The following FATE1 variants were observed in gnomAD, a reference collection of about 807,000 sequenced individuals.
FATE1 encodes fetal and adult testis-expressed transcript protein.
A neutral mutation model predicts 16.0 loss-of-function variants in FATE1; 18 were observed. That is an observed-to-expected ratio of 1.12 (90% CI 0.78 to 1.66). The LOEUF (loss-of-function observed/expected upper bound fraction) is 1.66. Among genes scored for constraint, FATE1 ranks in the 40% most tolerant of loss-of-function variants. The probability of loss-of-function intolerance (pLI) is 0.00; values close to 1 mark genes in which losing one functional copy is unlikely to be tolerated. For missense variants in FATE1, 169 were observed against 152.7 expected (o/e 1.11, Z -0.56); for synonymous variants, 76 against 56.9 (o/e 1.34, Z -1.51).
intron 2 of FATE1, among the ~76,000 whole-genome samples, chrX:151,720,763 T>G (rs1237788621): frequency 8.9e-6 from 1 of 112,117 alleles, no homozygotes; most frequent in Non-Finnish European, 1.9e-5. Context: ...AACTATGATT[T>G]GAGCCCAGGC....
intron 2 of FATE1, among the ~76,000 whole-genome samples, chrX:151,718,108 GAGAGGA>G (rs1569424911): frequency 4.2e-4 from 32 of 76,515 alleles, no homozygotes; most frequent in Non-Finnish European, 6.6e-4. Context: ...GAAAGAGAGA[GAGAGGA>G]AGGAAGGAAG....
intron 2 of FATE1, among the ~76,000 whole-genome samples, chrX:151,720,254 G>A (rs374822792): frequency 2.2e-3 from 246 of 111,343 alleles, no homozygotes; most frequent in Non-Finnish European, 3.5e-3. Flanking sequence ...GCTGGCGGGG[G>A]CCTCCTTTGT....
chrX:151,718,110 G>GAGGAAGGAAGGA lies in FATE1; in HGVS notation c.234+763_234+774dup, dbSNP rs199990618. On this transcript the variant is annotated intron_variant, in intron 2 of 4. Transcript: ENST00000370350. ...AGAAAGAAAGAAAGAAAGAGAGAGAGAGGAAGGAAGGAAGGAAGGAAGGAA... is the reference window on the plus strand; with the variant it reads ...AGAAAGAAAGAAAGAAAGAGAGAGAGAGGAAGGAAGGAAGGAAGGAAGGAAGGAAGGAAGGAA... Among the ~76,000 whole-genome samples the GAGGAAGGAAGGA allele has an allele frequency of 4.8e-3, 267 of 55,555 alleles. 1 individual carries two copies. Among genetic ancestry groups the GAGGAAGGAAGGA allele is most frequent in the African/African-American group, 6.7e-3 (83 of 12,330 alleles). 48.2% of individuals were successfully genotyped at this position (55,555 alleles called of 115,157 possible). A position where few individuals can be genotyped will look rare whatever the true frequency, so the allele number is the denominator to read the frequency against.
Position 151,716,237 on chromosome X carries a change from C to T in FATE1, c.106+12C>T. 8.7e-7 allele frequency: 1 copy of T among 1,147,172 alleles called. No homozygotes were observed. Among genetic ancestry groups the T allele is most frequent in the Non-Finnish European group, 1.2e-6 (1 of 854,625 alleles). 94.5% of individuals were successfully genotyped at this position (1,147,172 alleles called of 1,213,427 possible). On this transcript the variant is annotated intron_variant, in intron 1 of 4. Transcript: ENST00000370350. ...CCTGGTGATAGCAGGTGAGGATCCCCTAAAATACCCCTAGGCTACAGCCAA... is the reference window on the plus strand; with the variant it reads ...CCTGGTGATAGCAGGTGAGGATCCCTTAAAATACCCCTAGGCTACAGCCAA...
At position 151,719,682 on chromosome X, in the gene FATE1, A is replaced by T. The variant is rs775124869; in HGVS notation, c.235-1713A>T. 3.6e-5 allele frequency among the ~76,000 whole-genome samples: 4 copies of T among 112,542 alleles called. No individual in the cohort carries two copies. In the East Asian group the frequency reaches 1.1e-3, roughly 31 times the overall value. ...TGACCATGAACTACGGTTCATAAAAAAGTTGCACCAATATCTGTGTGCTCC... is the reference window on the plus strand; with the variant it reads ...TGACCATGAACTACGGTTCATAAAATAGTTGCACCAATATCTGTGTGCTCC... On this transcript the variant is annotated intron_variant, in intron 2 of 4. Coordinates refer to ENST00000370350, the MANE Select transcript of FATE1 (RefSeq NM_033085.3).
Position 151,722,715 on chromosome X carries a change from G to C in FATE1, c.508G>C (p.Val170Leu), listed in dbSNP as rs372054780. The C allele has an allele frequency of 9.9e-6, 12 of 1,211,041 alleles. No homozygotes were observed. In the African/African-American group the frequency reaches 1.7e-4, roughly 18 times the overall value. ...HRETLIIAVL[V>L]SASIANLWLW... ...GGAGACCCTGATCATCGCCGTGCTG[G>C]TGTCGGCCAGCATTGCCAACCTGTG... The change falls in exon 5 of 5, where the codon GTG becomes CTG. Residue 170 changes from valine to leucine, a missense_variant. Val to Leu is a conservative substitution (Grantham distance 32, BLOSUM62 1). Transcript: ENST00000370350.
In FATE1 at chrX:151,716,190, G is replaced by C; in HGVS notation, c.71G>C (p.Arg24Pro). ...CTGGCAGAAGAACTGAATCATGGACGCCAAGGGGAAAACCAAGAGCACCTG... is the reference window on the plus strand; with the variant it reads ...CTGGCAGAAGAACTGAATCATGGACCCCAAGGGGAAAACCAAGAGCACCTG... The part of the protein sequence containing the change: ...MSLAEELNHG[R>P]QGENQEHLVI... The change falls in exon 1 of 5, where the codon CGC (arginine) becomes CCC (proline). Residue 24 changes from arginine to proline, a missense_variant. Arg to Pro is a moderately radical substitution (Grantham distance 103). Coordinates refer to ENST00000370350, the MANE Select transcript of FATE1 (RefSeq NM_033085.3). The C allele has an allele frequency of 1.7e-6, 2 of 1,167,772 alleles. No homozygotes were observed. The highest frequency in any genetic ancestry group is 1.9e-5 in the South Asian group (1 of 52,639).
intron 2 of FATE1, among the ~76,000 whole-genome samples, chrX:151,717,733 T>C (rs777355120): frequency 1.2e-4 from 13 of 110,238 alleles, no homozygotes; most frequent in East Asian, 2.8e-4. Flanking sequence ...TGTGTGTGTG[T>C]GCGCGTGTAT....
In FATE1 at chrX:151,721,908, C is replaced by T; in HGVS notation, c.347C>T (p.Pro116Leu). 8.3e-7 allele frequency: 1 copy of T among 1,211,000 alleles called. No individual in the cohort carries two copies. Among genetic ancestry groups the T allele is most frequent in the African/African-American group, 1.7e-5 (1 of 57,685 alleles). Reference protein sequence around the residue: ...QGIRFHYDRNPGTDAVAQTSL... With the variant: ...QGIRFHYDRNLGTDAVAQTSL... ...CTGTCTTTTTTCTCTCCCAGCAACC[C>T]AGGGACAGATGCAGTGGCGCAGACT... Residue 116 changes from proline to leucine, a missense_variant, in exon 4 of 5, where the codon CCA becomes CTA. Pro to Leu is a moderately conservative substitution (Grantham distance 98). Coordinates refer to ENST00000370350, the MANE Select transcript of FATE1 (RefSeq NM_033085.3).
chrX:151,721,396 G>T lies in FATE1; in HGVS notation c.236G>T (p.Gly79Val), dbSNP rs774138880. 2 of 1,210,931 alleles carry T rather than the reference G, an allele frequency of 1.7e-6. No individual in the cohort carries two copies. The highest frequency in any genetic ancestry group is 4.3e-5 in the Admixed American group (2 of 46,126). ...NMTATRPKKM[G>V]SQLPKPRMLR... ...TTTACTGACCATTCCTTTCTTCAGG[G>T]GTCCCAGCTGCCAAAGCCCAGAATG... Residue 79 changes from glycine to valine, a missense_variant and splice_region_variant, in exon 3 of 5, where the codon GGG becomes GTG. Coordinates refer to ENST00000370350, the MANE Select transcript of FATE1 (RefSeq NM_033085.3).
chrX:151,716,634 T>A (rs1416649829), intron 1 of FATE1, among the ~76,000 whole-genome samples: 1 of 111,923 alleles, frequency 8.9e-6, no homozygotes, highest in East Asian at 2.8e-4. Context: ...CCTCAAAACG[T>A]TTCATGCTAT....
rs2015131738 is a variant in FATE1 at position 151,722,922 on chromosome X, G to A, written c.*163G>A. The A allele has an allele frequency of 3.0e-6, 2 of 658,002 alleles. No homozygotes were observed. The highest frequency in any genetic ancestry group is 2.2e-5 in the African/African-American group (1 of 44,644). 54.2% of individuals were successfully genotyped at this position (658,002 alleles called of 1,213,427 possible). ...TTAGGCCTCCTACCTGGGGAGGCCA[G>A]GTCACTGCACTGGGAGGTCCTGGCT... On this transcript the variant is annotated 3_prime_UTR_variant, in exon 5 of 5. Coordinates refer to ENST00000370350, the MANE Select transcript of FATE1 (RefSeq NM_033085.3).
chrX:151,719,820 C>T lies in FATE1; in HGVS notation c.235-1575C>T, dbSNP rs181672632. On this transcript the variant is annotated intron_variant, in intron 2 of 4. Coordinates refer to ENST00000370350, the MANE Select transcript of FATE1 (RefSeq NM_033085.3). ...CACCTTCAGTTTGATGTTGTTACTT[C>T]GGAACAGAAGAGGGCTGCAGATATT... is the stretch of plus-strand genomic sequence containing the variant. 1.7e-3 allele frequency among the ~76,000 whole-genome samples: 188 copies of T among 111,934 alleles called. 1 individual carries two copies. Among genetic ancestry groups the T allele is most frequent in the African/African-American group, 5.8e-3 (179 of 30,789 alleles).
At position 151,717,405 on chromosome X, in the gene FATE1, G is replaced by T; in HGVS notation, c.234+6G>T. ...CCACCCGACCCAAGAAAATGGTACT[G>T]TATGGGGTCCTCAGCACTTGGTGGC... On this transcript the variant is annotated splice_donor_region_variant and intron_variant, in intron 2 of 4. Transcript: ENST00000370350. The T allele has an allele frequency of 8.4e-7, 1 of 1,196,987 alleles. No homozygotes were observed. Among genetic ancestry groups the T allele is most frequent in the Non-Finnish European group, 1.1e-6 (1 of 886,416 alleles).
At chrX:151,718,110 G>GAGGAAGGAAGGAAGGAAGGA (rs199990618) in intron 2 of FATE1, among the ~76,000 whole-genome samples, 50 of 55,563 alleles carry the variant, frequency 9.0e-4, no homozygotes, top group Non-Finnish European at 1.3e-3. Flanking sequence ...AAGAGAGAGA[G>GAGGAAGGAAGGAAGGAAGGA]AGGAAGGAAG....
rs374363662 is a variant in FATE1, at chrX:151,721,952, G to A, written c.391G>A (p.Val131Ile). 7.7e-5 allele frequency: 93 copies of A among 1,208,847 alleles called. No individual in the cohort carries two copies. Among genetic ancestry groups the A allele is most frequent in the Non-Finnish European group, 1.0e-4 (91 of 894,908 alleles). Residue 131 changes from valine (V) to isoleucine (I), a missense_variant, in exon 4 of 5, where the codon GTA becomes ATA. By Grantham distance (29) the Val-to-Ile change is conservative. Coordinates refer to ENST00000370350, the MANE Select transcript of FATE1 (RefSeq NM_033085.3). ...GCAGACTAGCCTGGAAGAGTTCAAT[G>A]TACTGGAGATGGAAGTCATGAGAAG... ...VAQTSLEEFN[V>I]LEMEVMRRQL...
At chrX:151,717,424 T>A (rs764691725) in intron 2 of FATE1, 25 bp downstream of exon 2, 91 of 1,183,864 alleles carry the variant, frequency 7.7e-5, no homozygotes, top group Non-Finnish European at 7.2e-5. Flanking sequence ...CCTCAGCACT[T>A]GGTGGCCAGG....
intron 2 of FATE1, among the ~76,000 whole-genome samples, chrX:151,718,277 C>T (rs1420750729): frequency 9.0e-6 from 1 of 111,520 alleles, no homozygotes; most frequent in Non-Finnish European, 1.9e-5. Context: ...AGAAAGAAAT[C>T]CAGGCAAGTG....
At chrX:151,717,606 G>A (rs181499963) in intron 2 of FATE1, among the ~76,000 whole-genome samples, 139 of 112,393 alleles carry the variant, frequency 1.2e-3, no homozygotes, top group African/African-American at 4.3e-3. Flanking sequence ...TCAACCTTGG[G>A]AATTCAGAAT....
Sources: allele counts gnomAD v4.1 joint callset (sites outside exome capture counted in the v4.1 genomes callset), GRCh38; gene constraint gnomAD v4.1.1; transcripts MANE v1.5; gene names NCBI Gene and HGNC (gene_info 2026-07-23, HGNC 2026-07-21).